CSMD3: variants seen among roughly 807,000 people sequenced by gnomAD.
The protein encoded by CSMD3 is CUB and Sushi multiple domains 3, also known as CUB and sushi domain-containing protein 3.
In CSMD3, 177 loss-of-function variants were observed where a neutral mutation model predicts 435.2. The ratio of observed to expected loss-of-function variants is 0.41; its 90% confidence interval spans 0.36 to 0.46. CSMD3 has a LOEUF of 0.46. CSMD3 is among the 20% of genes least tolerant of loss of function. The pLI is 0.34. For synonymous variants in CSMD3, 1,656 were observed against 1,520.5 expected, an observed-to-expected ratio of 1.09 and a Z score of -2.07; for missense variants, 4,265 against 4,504.6, an observed-to-expected ratio of 0.95 and a Z score of 1.52.
intron 4 of CSMD3, among the ~76,000 whole-genome samples, chr8:113,115,988 C>A (rs896419187): frequency 6.6e-6 from 1 of 152,128 alleles, no homozygotes; most frequent in Non-Finnish European, 1.5e-5. Context: ...ATCTATGAAT[C>A]TGAAAGTAGT....
intron 10 of CSMD3, among the ~76,000 whole-genome samples, chr8:112,872,259 A>G (rs1055092471): frequency 3.2e-4 from 48 of 152,232 alleles, no homozygotes; most frequent in African/African-American, 9.4e-4. Flanking sequence ...TAAACTGTCA[A>G]AAGTGCAGTT....
chr8:112,630,129 T>C (rs2131552968), intron 22 of CSMD3, among the ~76,000 whole-genome samples: 1 of 152,306 alleles, frequency 6.6e-6, no homozygotes, highest in African/African-American at 2.4e-5. Context: ...TTGTAGTCTG[T>C]GGACCCTGAG....
chr8:113,334,198 T>C (rs2094050655), intron 1 of CSMD3, among the ~76,000 whole-genome samples: 1 of 151,662 alleles, frequency 6.6e-6, no homozygotes, highest in Non-Finnish European at 1.5e-5. Context: ...ATCATCTGTA[T>C]TATTTTATAT....
At position 112,975,098 on chromosome 8, in the gene CSMD3, G is replaced by A. The variant is rs189828891; in HGVS notation, c.1342+739C>T. Among the ~76,000 whole-genome samples the A allele has an allele frequency of 4.2e-3, 636 of 151,534 alleles. 9 individuals carry two copies. Among genetic ancestry groups the A allele is most frequent in the African/African-American group, 0.014 (586 of 41,412 alleles). ...ACTTGCCACCAAGAAACAGAAAAATGTATTTTCTAGACTTCCTTATTTTGT... is the reference window on the plus strand; with the variant it reads ...ACTTGCCACCAAGAAACAGAAAAATATATTTTCTAGACTTCCTTATTTTGT... On this transcript the variant is annotated intron_variant, in intron 7 of 70. Transcript: ENST00000297405.
intron 53 of CSMD3, among the ~76,000 whole-genome samples, chr8:112,299,609 A>G (rs1820712265): frequency 6.6e-6 from 1 of 152,102 alleles, no homozygotes; most frequent in African/African-American, 2.4e-5. Flanking sequence ...TGAAAAATTC[A>G]TAATAAAATA....
intron 40 of CSMD3, among the ~76,000 whole-genome samples, chr8:112,349,220 A>C: frequency 6.6e-6 from 1 of 152,224 alleles, no homozygotes; most frequent in Middle Eastern, 3.4e-3. Flanking sequence ...AAAAAGAAGT[A>C]ATTGCACAAA....
At chr8:112,707,706 G>A (rs1398226680) in intron 13 of CSMD3, among the ~76,000 whole-genome samples, 1 of 151,946 alleles carries the variant, frequency 6.6e-6, no homozygotes, top group Non-Finnish European at 1.5e-5. Flanking sequence ...TGTGTGTCCA[G>A]GAAAAATTTA....
chr8:112,840,641 C>G (rs188832956), intron 11 of CSMD3, among the ~76,000 whole-genome samples: 115 of 151,712 alleles, frequency 7.6e-4, no homozygotes, highest in African/African-American at 2.7e-3. Flanking sequence ...ATCAAAATAT[C>G]TGTATTTCAC....
chr8:113,344,363 G>A (rs1311741131), intron 1 of CSMD3, among the ~76,000 whole-genome samples: 1 of 152,026 alleles, frequency 6.6e-6, no homozygotes, highest in Non-Finnish European at 1.5e-5. Context: ...AGTCTTTTGA[G>A]ATAAAATTAT....
At chr8:112,923,795 T>C (rs2082821302) in intron 9 of CSMD3, among the ~76,000 whole-genome samples, 1 of 152,124 alleles carries the variant, frequency 6.6e-6, no homozygotes, top group South Asian at 2.1e-4. Context: ...TTTTAAACAG[T>C]GATTAAAGCT....
rs570008985 is a variant in CSMD3, at chr8:113,109,751, G to A, written c.710-10788C>T. ...TCTACTGGTCTGGATTCTCTGGGGT[G>A]GTCCTGCTCCCATGGCTCCACTGGA... On this transcript the variant is annotated intron_variant, in intron 4 of 70. Coordinates refer to ENST00000297405, the MANE Select transcript of CSMD3 (RefSeq NM_198123.2). Among the ~76,000 whole-genome samples, 101 of 152,238 alleles carry A rather than the reference G, an allele frequency of 6.6e-4. 1 individual carries two copies. Among genetic ancestry groups the A allele is most frequent in the African/African-American group, 2.4e-3 (98 of 41,542 alleles).
chr8:112,510,582 G>A (rs948850800), intron 28 of CSMD3, among the ~76,000 whole-genome samples: 3 of 152,030 alleles, frequency 2.0e-5, no homozygotes, highest in African/African-American at 7.2e-5. Flanking sequence ...AACCATTATG[G>A]TATCCATAGT....
At chr8:112,572,967 T>A (rs896486686) in intron 24 of CSMD3, among the ~76,000 whole-genome samples, 1 of 152,072 alleles carries the variant, frequency 6.6e-6, no homozygotes, top group Non-Finnish European at 1.5e-5. Context: ...ATTTAAATAG[T>A]CAAAATAGCT....
At chr8:112,858,587 T>A (rs1325406986) in intron 11 of CSMD3, among the ~76,000 whole-genome samples, 1 of 151,846 alleles carries the variant, frequency 6.6e-6, no homozygotes, top group African/African-American at 2.4e-5. Flanking sequence ...TGTGTTATAA[T>A]TTTGCTTGAG....
chr8:112,578,516 A>G (rs369643874), intron 23 of CSMD3, among the ~76,000 whole-genome samples: 11 of 151,860 alleles, frequency 7.2e-5, no homozygotes, highest in Non-Finnish European at 1.6e-4. Context: ...CAGAATTCCA[A>G]TGAACAGCAA....
intron 3 of CSMD3, among the ~76,000 whole-genome samples, chr8:113,202,906 T>C (rs998269261): frequency 1.3e-5 from 2 of 152,146 alleles, no homozygotes; most frequent in Non-Finnish European, 1.5e-5. Flanking sequence ...ACCTGAGCAA[T>C]TGTCCAAGTA....
chr8:112,971,304 T>C (rs1013714001), intron 7 of CSMD3, among the ~76,000 whole-genome samples: 3 of 152,116 alleles, frequency 2.0e-5, no homozygotes, highest in Non-Finnish European at 4.4e-5. Context: ...ATAACAACCA[T>C]CCTATGACAC....
intron 1 of CSMD3, among the ~76,000 whole-genome samples, chr8:113,431,805 GT>G (rs1295223268): frequency 2.6e-5 from 4 of 151,974 alleles, no homozygotes; most frequent in African/African-American, 9.7e-5. Context: ...TTATGATAGA[GT>G]TTTACTGTAC....
chr8:113,309,050 G>A (rs2093846517), intron 2 of CSMD3, among the ~76,000 whole-genome samples: 2 of 152,072 alleles, frequency 1.3e-5, no homozygotes, highest in South Asian at 4.1e-4. Flanking sequence ...CTGGGTTCAA[G>A]CAATCCTCCC....
Sources: allele counts gnomAD v4.1 joint callset (sites outside exome capture counted in the v4.1 genomes callset), GRCh38; gene constraint gnomAD v4.1.1; transcripts MANE v1.5; gene names NCBI Gene and HGNC (gene_info 2026-07-23, HGNC 2026-07-21).